The following TAF1 variants were observed in gnomAD, a reference collection of about 807,000 sequenced individuals.
TAF1 encodes transcription initiation factor TFIID subunit 1.
In TAF1, 2 loss-of-function variants were observed where a neutral mutation model predicts 138.5. That is an observed-to-expected ratio of 0.01 (90% CI 0.01 to 0.05). The LOEUF (loss-of-function observed/expected upper bound fraction) is 0.05, where lower values mean the gene tolerates loss of function less well. Among genes scored for constraint, TAF1 ranks in the 10% least tolerant of loss-of-function variants. The pLI is 1.00. For missense variants in TAF1, 709 were observed against 1,478.0 expected (o/e 0.48, Z 8.53); for synonymous variants, 437 against 503.2 (o/e 0.87, Z 1.76).
chrX:71,483,803 T>TATATATATATATATATAC (rs1290090578), intron 13 of TAF1, among the ~76,000 whole-genome samples: 7 of 92,874 alleles, frequency 7.5e-5, no homozygotes, highest in African/African-American at 2.1e-4. Flanking sequence ...TATATATATA[T>TATATATATATATATATAC]ACACACACAT....
intron 24 of TAF1, among the ~76,000 whole-genome samples, chrX:71,399,567 C>CTTTTTTTTTTTTTTT (rs35622645): frequency 3.5e-5 from 1 of 28,942 alleles, no homozygotes; most frequent in Non-Finnish European, 5.7e-5. Context: ...GTTATTTATT[C>CTTTTTTTTTTTTTTT]TTTTTTTTTT....
intron 18 of TAF1, among the ~76,000 whole-genome samples, chrX:71,390,940 A>T (rs1322938804): frequency 1.8e-5 from 2 of 109,820 alleles, no homozygotes; most frequent in African/African-American, 6.6e-5. Flanking sequence ...GGTTGCCGGG[A>T]GCTGAGACCA....
intron 32 of TAF1, among the ~76,000 whole-genome samples, chrX:71,440,999 C>CCCAGG (rs2037389939): frequency 9.1e-6 from 1 of 109,805 alleles, no homozygotes; most frequent in Non-Finnish European, 1.9e-5. Context: ...TTCCTGGGTT[C>CCCAGG]AAGCAATTCT....
At chrX:71,467,457 ATTTC>A (rs1440471016), downstream of TAF1, among the ~76,000 whole-genome samples, 5 of 111,261 alleles carry the variant, frequency 4.5e-5, no homozygotes, top group African/African-American at 1.6e-4. Context: ...ATCTGTGCTT[ATTTC>A]TTCTAAGTTT....
At chrX:71,398,837 G>A in intron 24 of TAF1, 100 bp downstream of exon 24, 1 of 1,054,575 alleles carries the variant, frequency 9.5e-7, no homozygotes, top group South Asian at 2.6e-5. Flanking sequence ...AATGAGGGAA[G>A]TATATTGTGG....
At chrX:71,369,401 G>C (rs927475059) in intron 3 of TAF1, among the ~76,000 whole-genome samples, 2 of 111,791 alleles carry the variant, frequency 1.8e-5, no homozygotes, top group Non-Finnish European at 3.8e-5. Context: ...GGTAGAGTCA[G>C]TGAGTGGAAG....
At chrX:71,433,381 A>T (rs767045963) in intron 32 of TAF1, among the ~76,000 whole-genome samples, 3 of 111,917 alleles carry the variant, frequency 2.7e-5, no homozygotes, top group Non-Finnish European at 5.6e-5. Context: ...GAATCAGTTA[A>T]TAATGGTGAC....
At chrX:71,375,082 A>C in intron 3 of TAF1, 85 bp from the exon 4 acceptor site, 4 of 1,138,593 alleles carry the variant, frequency 3.5e-6, no homozygotes, top group Non-Finnish European at 4.7e-6. Flanking sequence ...TCTCAAAAAA[A>C]AAAAAAAAAT....
chrX:71,401,477 T>A (rs758607154), intron 24 of TAF1, 51 bp from the exon 25 acceptor site: 1 of 1,184,488 alleles, frequency 8.4e-7, no homozygotes, highest in South Asian at 1.8e-5. Context: ...ATCTCTGATA[T>A]GTGTTTCAGC....
At chrX:71,506,984 G>T (rs182066966) in intron 13 of TAF1, among the ~76,000 whole-genome samples, 1 of 111,929 alleles carries the variant, frequency 8.9e-6, no homozygotes, top group East Asian at 2.8e-4. Flanking sequence ...GTCACACATT[G>T]TATGATTCCA....
Position 71,408,403 on chromosome X carries a change from C to T in TAF1, c.4384+252C>T, listed in dbSNP as rs181830242. Among the ~76,000 whole-genome samples the T allele has an allele frequency of 5.3e-3, 587 of 110,623 alleles. 4 individuals carry two copies. The highest frequency in any genetic ancestry group is 0.018 in the African/African-American group (551 of 30,432). On this transcript the variant is annotated intron_variant, in intron 28 of 37. Coordinates refer to ENST00000423759, the MANE Select transcript of TAF1 (RefSeq NM_004606.5). ...CGCAATCTTGGCTCACTGCAACCTC[C>T]GCCTCTCGGTTCAAGCGATTCTCCT...
intron 13 of TAF1, among the ~76,000 whole-genome samples, chrX:71,486,281 T>C (rs1017695548): frequency 2.7e-5 from 3 of 111,536 alleles, no homozygotes; most frequent in African/African-American, 9.8e-5. Flanking sequence ...ACTCCTGGGC[T>C]CAAAAGATCC....
At chrX:71,427,857 TGAACCTG>T (rs1280620535) in intron 32 of TAF1, among the ~76,000 whole-genome samples, 1 of 102,612 alleles carries the variant, frequency 9.7e-6, no homozygotes, top group Admixed American at 1.1e-4. Flanking sequence ...GAGAATTGCT[TGAACCTG>T]GGAGGTAGAG....
At chrX:71,504,569 GT>G (rs2039581710) in intron 13 of TAF1, among the ~76,000 whole-genome samples, 1 of 107,050 alleles carries the variant, frequency 9.3e-6, no homozygotes, top group African/African-American at 3.4e-5. Flanking sequence ...TCAAAATGCT[GT>G]TAACTGCATA....
intron 13 of TAF1, among the ~76,000 whole-genome samples, chrX:71,494,292 A>G (rs988470899): frequency 2.7e-5 from 3 of 109,407 alleles, no homozygotes; most frequent in African/African-American, 1.0e-4. Context: ...GCGTGGTGGC[A>G]CACACCTGTA....
At chrX:71,488,121 GT>G (rs759961016) in intron 13 of TAF1, among the ~76,000 whole-genome samples, 258 of 110,730 alleles carry the variant, frequency 2.3e-3, no homozygotes, top group African/African-American at 7.9e-3. Flanking sequence ...GTTTTATGAA[GT>G]TTTCCCACCC....
intron 32 of TAF1, among the ~76,000 whole-genome samples, chrX:71,453,779 G>A (rs1460022994): frequency 5.4e-5 from 6 of 110,873 alleles, no homozygotes; most frequent in East Asian, 5.7e-4. Flanking sequence ...TGAGGGGGGC[G>A]GATCACTTAA....
At chrX:71,412,755 A>AT (rs765733744) in intron 28 of TAF1, among the ~76,000 whole-genome samples, 8 of 111,939 alleles carry the variant, frequency 7.1e-5, no homozygotes, top group Non-Finnish European at 1.1e-4. Context: ...CGCCTGGCTA[A>AT]TTTTTTGTAT....
At chrX:71,420,244 C>G in intron 28 of TAF1, 1 of 873,407 alleles carries the variant, frequency 1.1e-6, no homozygotes, top group South Asian at 2.0e-5. Context: ...GTGCTGATTC[C>G]TGGTCTGTTG....
Sources: gnomAD v4.1 joint callset for allele counts (sites outside exome capture counted in the v4.1 genomes callset) on GRCh38, gnomAD v4.1.1 for gene constraint, MANE v1.5 for transcripts, NCBI Gene and HGNC (gene_info 2026-07-23, HGNC 2026-07-21) for gene names.